RXFP1: variants seen among roughly 807,000 people sequenced by gnomAD.
RXFP1 encodes the protein relaxin family peptide receptor 1, also known as relaxin receptor 1.
A neutral mutation model predicts 89.8 loss-of-function variants in RXFP1; 73 were observed. That is an observed-to-expected ratio of 0.81 (90% CI 0.67 to 0.99). RXFP1 has a LOEUF of 0.99. Among genes scored for constraint, RXFP1 ranks in the 50% least tolerant of loss-of-function variants. The pLI, the probability that RXFP1 is intolerant of heterozygous loss-of-function variation, is 0.00. For synonymous variants in RXFP1, 277 were observed against 305.5 expected (o/e 0.91, Z 0.97); for missense variants, 793 against 895.5 (o/e 0.89, Z 1.46).
intron 2 of RXFP1, among the ~76,000 whole-genome samples, chr4:158,574,857 G>T (rs1444310429): frequency 6.6e-6 from 1 of 152,120 alleles, no homozygotes; most frequent in Non-Finnish European, 1.5e-5. Context: ...AATTGTATTT[G>T]ATTTGGATGG....
chr4:158,640,944 C>T (rs1449595144), intron 14 of RXFP1, among the ~76,000 whole-genome samples: 1 of 152,126 alleles, frequency 6.6e-6, no homozygotes, highest in Non-Finnish European at 1.5e-5. Context: ...CTAGTTGTAC[C>T]TGTGATTACA....
intron 8 of RXFP1, among the ~76,000 whole-genome samples, chr4:158,614,267 G>A (rs970841209): frequency 7.9e-5 from 12 of 152,172 alleles, no homozygotes; most frequent in Non-Finnish European, 1.8e-4. Context: ...AGCTGCATTT[G>A]CCTCCAACAA....
chr4:158,626,466 A>G (rs1766852546), intron 9 of RXFP1, among the ~76,000 whole-genome samples: 1 of 152,094 alleles, frequency 6.6e-6, no homozygotes, highest in Non-Finnish European at 1.5e-5. Context: ...GTAACTTTGG[A>G]CAAATGTTTC....
chr4:158,620,710 C>T (rs1765463772), intron 9 of RXFP1, among the ~76,000 whole-genome samples: 2 of 151,984 alleles, frequency 1.3e-5, no homozygotes, highest in Non-Finnish European at 2.9e-5. Context: ...ATAAAAAGAT[C>T]AATTAAGCAA....
chr4:158,612,408 T>C (rs1763745547), intron 8 of RXFP1, 46 bp downstream of exon 8: 1 of 1,335,662 alleles, frequency 7.5e-7, no homozygotes, highest in Non-Finnish European at 1.0e-6. Context: ...GGCAAAGACA[T>C]GAATAAAAAT....
chr4:158,579,287 G>T (rs1466018226), intron 2 of RXFP1, among the ~76,000 whole-genome samples: 1 of 151,832 alleles, frequency 6.6e-6, no homozygotes, highest in East Asian at 1.9e-4. Flanking sequence ...TTTTTGTTTT[G>T]AGACAGAGTC....
At chr4:158,538,311 A>G (rs1458710864) in intron 1 of RXFP1, among the ~76,000 whole-genome samples, 1 of 152,220 alleles carries the variant, frequency 6.6e-6, no homozygotes, top group Non-Finnish European at 1.5e-5. Flanking sequence ...AGGAAGTCCA[A>G]GTGAGAGACA....
intron 1 of RXFP1, among the ~76,000 whole-genome samples, chr4:158,551,643 T>C (rs1403747363): frequency 6.6e-6 from 1 of 152,120 alleles, no homozygotes; most frequent in Non-Finnish European, 1.5e-5. Context: ...CAATTAAAAA[T>C]AAATAAATAA....
At chr4:158,645,964 G>A (rs866501822) in intron 15 of RXFP1, among the ~76,000 whole-genome samples, 1 of 152,042 alleles carries the variant, frequency 6.6e-6, no homozygotes, top group African/African-American at 2.4e-5. Context: ...AATTTCCGTG[G>A]TGAAGCCTAG....
intron 3 of RXFP1, among the ~76,000 whole-genome samples, chr4:158,597,077 A>G (rs1760772045): frequency 1.3e-5 from 2 of 152,220 alleles, no homozygotes; most frequent in Admixed American, 1.3e-4. Flanking sequence ...GACTAAATAT[A>G]TGTTTCAAAC....
Position 158,651,947 on chromosome 4 carries a change from G to A in RXFP1, c.2166G>A (p.Met722Ile), listed in dbSNP as rs1181171544. 1.2e-6 allele frequency: 2 copies of A among 1,614,054 alleles called. No individual in the cohort carries two copies. The highest frequency in any genetic ancestry group is 2.7e-5 in the African/African-American group (2 of 74,910). The change falls in exon 18 of 18, where the codon ATG (methionine) becomes ATA (isoleucine). Residue 722 changes from methionine to isoleucine, a missense_variant. Transcript: ENST00000307765. Reference protein sequence around the residue: ...TYAPSFIWVEMWPLQEMPPEL... With the variant: ...TYAPSFIWVEIWPLQEMPPEL... ...CTCCATCATTCATCTGGGTGGAAAT[G>A]TGGCCACTGCAGGAGATGCCACCTG...
At position 158,647,976 on chromosome 4, in the gene RXFP1, C is replaced by T. The variant is rs1287333279; in HGVS notation, c.1757-523C>T. ...GTTGCAGTGAGGCAAGATAGTGCCA[C>T]TGCACTCCAGCCCGAGCAACACAGC... On this transcript the variant is annotated intron_variant, in intron 16 of 17. Coordinates refer to ENST00000307765, the MANE Select transcript of RXFP1 (RefSeq NM_021634.4). 2.0e-5 allele frequency among the ~76,000 whole-genome samples: 3 copies of T among 149,878 alleles called. No individual in the cohort carries two copies. In the Admixed American group the frequency reaches 2.0e-4, roughly 10 times the overall value.
chr4:158,593,475 T>C lies in RXFP1; in HGVS notation c.262T>C (p.Phe88Leu), dbSNP rs1561084878. Residue 88 changes from phenylalanine (F) to leucine (L), a missense_variant, in exon 3 of 18, where the codon TTT (phenylalanine) becomes CTT (leucine). Coordinates refer to ENST00000307765, the MANE Select transcript of RXFP1 (RefSeq NM_021634.4). ...SYYKMTSQYP[F>L]EAETPECLVG... Reference sequence around the variant, plus strand: ...CTACAAAATGACTTCCCAATATCCTTTTGAGGCAGAAACACCTGAATGTTG... The same window carrying C: ...CTACAAAATGACTTCCCAATATCCTCTTGAGGCAGAAACACCTGAATGTTG... The C allele has an allele frequency of 1.9e-6, 3 of 1,608,292 alleles. No homozygotes were observed. In the East Asian group the frequency reaches 6.7e-5, roughly 36 times the overall value.
chr4:158,626,108 CTATATAGATAGATAGA>C lies in RXFP1; in HGVS notation c.756-709_756-694del, dbSNP rs1167934159. ...CCCCAGGAGGATTATATTTAGATAT[CTATATAGATAGATAGA>C]TAGATAGATAGATAGATAGATAGAT... On this transcript the variant is annotated intron_variant, in intron 9 of 17. Coordinates refer to ENST00000307765, the MANE Select transcript of RXFP1 (RefSeq NM_021634.4). Among the ~76,000 whole-genome samples the C allele has an allele frequency of 7.4e-3, 823 of 110,566 alleles. 14 individuals carry two copies. The highest frequency in any genetic ancestry group is 0.031 in the African/African-American group (785 of 25,724). 72.5% of individuals were successfully genotyped at this position (110,566 alleles called of 152,430 possible). A position where few individuals can be genotyped will look rare whatever the true frequency, so the allele number is the denominator to read the frequency against.
chr4:158,613,374 C>A (rs1763928989), intron 8 of RXFP1, among the ~76,000 whole-genome samples: 1 of 152,208 alleles, frequency 6.6e-6, no homozygotes, highest in Non-Finnish European at 1.5e-5. Flanking sequence ...TATTTGCTAG[C>A]ATTTTACCCA....
intron 1 of RXFP1, among the ~76,000 whole-genome samples, chr4:158,546,310 G>T (rs1748390532): frequency 6.6e-6 from 1 of 152,186 alleles, no homozygotes; most frequent in Non-Finnish European, 1.5e-5. Context: ...TGTATCCCGA[G>T]ACTTTTCTGA....
intron 13 of RXFP1, among the ~76,000 whole-genome samples, chr4:158,638,365 TA>T (rs1769637591): frequency 6.6e-6 from 1 of 152,230 alleles, no homozygotes; most frequent in South Asian, 2.1e-4. Flanking sequence ...CATCTGTGCA[TA>T]TTCACTCTCT....
At chr4:158,648,824 A>T in intron 17 of RXFP1, 107 bp downstream of exon 17, 1 of 735,210 alleles carries the variant, frequency 1.4e-6, no homozygotes, top group Non-Finnish European at 2.2e-6. Flanking sequence ...AAAGAATTGT[A>T]CATCAGATCC....
rs777340926 is a variant in RXFP1, at chr4:158,652,033, C to T, written c.2252C>T (p.Thr751Met). ...GAAATGTCACTGATTTCTCAATCAA[C>T]GAGACTCAATTCCTATTCATGACTG... Reference protein sequence around the residue: ...PCEMSLISQSTRLNSYS With the variant: ...PCEMSLISQSMRLNSYS Residue 751 changes from threonine to methionine, a missense_variant, in exon 18 of 18, where the codon ACG becomes ATG. Physicochemically the swap from Thr to Met is moderately conservative, Grantham distance 81. Transcript: ENST00000307765. The T allele has an allele frequency of 1.6e-5, 26 of 1,612,180 alleles. 1 individual carries two copies. The highest frequency in any genetic ancestry group is 5.5e-5 in the South Asian group (5 of 90,870).
Sources: gnomAD v4.1 joint callset for allele counts (sites outside exome capture counted in the v4.1 genomes callset) on GRCh38, gnomAD v4.1.1 for gene constraint, MANE v1.5 for transcripts, NCBI Gene and HGNC (gene_info 2026-07-23, HGNC 2026-07-21) for gene names.